Variants in TACR1 observed in about 807,000 individuals in gnomAD.
TACR1 encodes substance-P receptor.
In TACR1, 25 loss-of-function variants were observed where a neutral mutation model predicts 35.8. The ratio of observed to expected loss-of-function variants is 0.70; its 90% CI spans 0.51 to 0.98. TACR1 has a LOEUF of 0.98. Ranked by LOEUF, TACR1 falls within the 50% of genes least tolerant of loss-of-function variation. TACR1 has a pLI of 0.00. For missense variants in TACR1, 478 were observed against 522.9 expected, an observed-to-expected ratio of 0.91 and a Z score of 0.84; for synonymous variants, 195 against 206.7, an observed-to-expected ratio of 0.94 and a Z score of 0.48.
intron 1 of TACR1, among the ~76,000 whole-genome samples, chr2:75,170,216 C>T (rs1274129761): frequency 6.6e-6 from 1 of 151,988 alleles, no homozygotes; most frequent in Non-Finnish European, 1.5e-5. Context: ...TGGGTCTTTC[C>T]CATGCTGTTC....
intron 1 of TACR1, among the ~76,000 whole-genome samples, chr2:75,196,003 A>T (rs1166920512): frequency 3.9e-5 from 6 of 152,216 alleles, no homozygotes; most frequent in African/African-American, 1.4e-4. Context: ...CTTGTCGGTT[A>T]GGTAAGGGGG....
At chr2:75,169,485 A>G (rs1675224421) in intron 1 of TACR1, among the ~76,000 whole-genome samples, 1 of 152,208 alleles carries the variant, frequency 6.6e-6, no homozygotes, top group African/African-American at 2.4e-5. Flanking sequence ...ATTTTGCTCA[A>G]TTACTGTCTG....
chr2:75,113,327 A>G (rs541826190), intron 2 of TACR1, among the ~76,000 whole-genome samples: 9 of 152,232 alleles, frequency 5.9e-5, no homozygotes, highest in African/African-American at 2.2e-4. Flanking sequence ...GGGTGGACCC[A>G]TCTTTCTCAA....
At chr2:75,119,158 G>A (rs895023289) in intron 2 of TACR1, among the ~76,000 whole-genome samples, 16 of 152,188 alleles carry the variant, frequency 1.1e-4, no homozygotes, top group African/African-American at 3.9e-4. Context: ...CAGGTATGGT[G>A]TCCCATTTTA....
At chr2:75,198,516 T>G in intron 1 of TACR1, 30 bp downstream of exon 1, 3 of 1,604,176 alleles carry the variant, frequency 1.9e-6, no homozygotes, top group Non-Finnish European at 2.6e-6. Flanking sequence ...TATGAGCACT[T>G]TCTCGCCTTT....
intron 2 of TACR1, among the ~76,000 whole-genome samples, chr2:75,066,817 G>A (rs183908276): frequency 5.3e-5 from 8 of 152,330 alleles, no homozygotes; most frequent in Admixed American, 5.2e-4. Context: ...ACAAGAAATT[G>A]TCAAGGATAC....
At chr2:75,071,228 T>C (rs6715414) in intron 2 of TACR1, among the ~76,000 whole-genome samples, 1 of 152,174 alleles carries the variant, frequency 6.6e-6, no homozygotes, top group Non-Finnish European at 1.5e-5. Flanking sequence ...AAAGTCATCC[T>C]CTTAAAACTG....
chr2:75,118,040 A>G (rs1303852037), intron 2 of TACR1, among the ~76,000 whole-genome samples: 1 of 152,176 alleles, frequency 6.6e-6, no homozygotes, highest in Non-Finnish European at 1.5e-5. Context: ...CTGATCGCTC[A>G]TCTAACTCCA....
At chr2:75,050,141 G>A (rs1224855641) in intron 4 of TACR1, among the ~76,000 whole-genome samples, 2 of 152,228 alleles carry the variant, frequency 1.3e-5, no homozygotes, top group East Asian at 3.8e-4. Flanking sequence ...CGAGTAGCCT[G>A]TTAACTGAAG....
At chr2:75,083,547 C>T (rs1673133206) in intron 2 of TACR1, among the ~76,000 whole-genome samples, 1 of 152,102 alleles carries the variant, frequency 6.6e-6, no homozygotes, top group Admixed American at 6.6e-5. Context: ...ATTGATTCTT[C>T]CTATCCATGA....
intron 2 of TACR1, among the ~76,000 whole-genome samples, chr2:75,120,149 A>T (rs1051319426): frequency 1.3e-5 from 2 of 152,196 alleles, no homozygotes; most frequent in African/African-American, 4.8e-5. Flanking sequence ...TAGACAGAGC[A>T]GCCCCTCAAT....
At chr2:75,112,566 T>A (rs1476098442) in intron 2 of TACR1, among the ~76,000 whole-genome samples, 1 of 152,150 alleles carries the variant, frequency 6.6e-6, no homozygotes, top group Non-Finnish European at 1.5e-5. Context: ...CATGATATTT[T>A]TCATTTTGCT....
chr2:75,154,410 G>GCGCACA lies in TACR1; in HGVS notation c.390-33643_390-33642insTGTGCG, dbSNP rs1166779798. On this transcript the variant is annotated intron_variant, in intron 1 of 4. Transcript: ENST00000305249. ...GAGATAATCAGCCAAGAGCGCGCAC[G>GCGCACA]CACACACACACACACACACACACAC... 1.3e-4 allele frequency: 10 copies of GCGCACA among 75,364 alleles called. 1 individual carries two copies. The highest frequency in any genetic ancestry group is 3.9e-4 in the African/African-American group (8 of 20,426). The allele number at this position is 75,364 out of a possible 1,614,324, so 4.7% of individuals were successfully genotyped here. A position where few individuals can be genotyped will look rare whatever the true frequency, so the allele number is the denominator to read the frequency against.
At chr2:75,095,937 T>C (rs1334890117) in intron 2 of TACR1, among the ~76,000 whole-genome samples, 1 of 152,168 alleles carries the variant, frequency 6.6e-6, no homozygotes, top group Non-Finnish European at 1.5e-5. Flanking sequence ...GGACTTACAC[T>C]GTGAGTGAGA....
At chr2:75,053,556 G>A (rs1672511395) in intron 3 of TACR1, 49 bp downstream of exon 3, 4 of 1,472,710 alleles carry the variant, frequency 2.7e-6, no homozygotes, top group Non-Finnish European at 3.6e-6. Flanking sequence ...CTTCTCGACA[G>A]CCTGTTGTCT....
intron 1 of TACR1, chr2:75,154,410 G>GCGCGCGCGCGCGCGCGCGCGCGCGCA (rs1166779798): frequency 1.3e-5 from 1 of 75,362 alleles, no homozygotes; most frequent in Non-Finnish European, 2.8e-5. Context: ...GAGCGCGCAC[G>GCGCGCGCGCGCGCGCGCGCGCGCGCA]CACACACACA....
chr2:75,102,226 C>G (rs917030741), intron 2 of TACR1, among the ~76,000 whole-genome samples: 6 of 152,178 alleles, frequency 3.9e-5, no homozygotes, highest in Admixed American at 6.5e-5. Flanking sequence ...GGTTATCCAG[C>G]AGCCACATGA....
intron 2 of TACR1, among the ~76,000 whole-genome samples, chr2:75,056,315 G>A (rs935612468): frequency 6.6e-6 from 1 of 152,132 alleles, no homozygotes; most frequent in African/African-American, 2.4e-5. Context: ...CAAACTAACC[G>A]AAACAAAGCC....
At chr2:75,148,802 T>C (rs1434385659) in intron 1 of TACR1, among the ~76,000 whole-genome samples, 1 of 152,208 alleles carries the variant, frequency 6.6e-6, no homozygotes, top group East Asian at 1.9e-4. Flanking sequence ...TGCCCATGCC[T>C]ATGTCCTGAA....
Sources: gnomAD v4.1 joint callset for allele counts (sites outside exome capture counted in the v4.1 genomes callset) on GRCh38, gnomAD v4.1.1 for gene constraint, MANE v1.5 for transcripts, NCBI Gene and HGNC (gene_info 2026-07-23, HGNC 2026-07-21) for gene names.